The following PKNOX2 variants were observed in gnomAD, a reference collection of about 807,000 sequenced individuals.
The protein encoded by PKNOX2 is homeobox protein PKNOX2.
In PKNOX2, 14 loss-of-function variants were observed where a neutral mutation model predicts 53.1. That is an observed-to-expected ratio of 0.26 (90% CI 0.17 to 0.41). The LOEUF is 0.41. Among genes scored for constraint, PKNOX2 ranks in the 10% least tolerant of loss-of-function variants. PKNOX2 has a pLI of 1.00. For synonymous variants in PKNOX2, 257 were observed against 242.8 expected (o/e 1.06, Z -0.54); for missense variants, 496 against 602.8 (o/e 0.82, Z 1.85).
At chr11:125,399,943 T>C (rs1403203746) in intron 7 of PKNOX2, among the ~76,000 whole-genome samples, 1 of 152,226 alleles carries the variant, frequency 6.6e-6, no homozygotes, top group East Asian at 1.9e-4. Context: ...ACGCGGACTC[T>C]GGATGGTTAA....
chr11:125,352,934 G>A lies in PKNOX2; in HGVS notation c.87+1542G>A, dbSNP rs566231431. Reference sequence around the variant, plus strand: ...CCTTCCCTCTGTAGTTTCAGCTCCCGAGACAAAGTTCAGAAGGAGCCCTCA... The same window carrying A: ...CCTTCCCTCTGTAGTTTCAGCTCCCAAGACAAAGTTCAGAAGGAGCCCTCA... On this transcript the variant is annotated intron_variant, in intron 4 of 12. Transcript: ENST00000298282. The surrounding 1 kb of genome is among the most constrained non-coding windows in gnomAD (Gnocchi z 4.1). 3.0e-4 allele frequency among the ~76,000 whole-genome samples: 45 copies of A among 152,098 alleles called. No individual in the cohort carries two copies. The highest frequency in any genetic ancestry group is 4.6e-4 in the Non-Finnish European group (31 of 68,024).
intron 2 of PKNOX2, among the ~76,000 whole-genome samples, chr11:125,293,766 C>T (rs1248194415): frequency 1.3e-5 from 2 of 151,516 alleles, no homozygotes; most frequent in African/African-American, 4.8e-5. Context: ...CACACCCACA[C>T]TCACATACTG....
At chr11:125,239,018 G>A (rs1942952859) in intron 2 of PKNOX2, among the ~76,000 whole-genome samples, 1 of 152,134 alleles carries the variant, frequency 6.6e-6, no homozygotes, top group Non-Finnish European at 1.5e-5. Flanking sequence ...GCATGTGCAG[G>A]TACCTAGAGC....
intron 3 of PKNOX2, among the ~76,000 whole-genome samples, chr11:125,333,974 A>G (rs1257170725): frequency 6.6e-6 from 1 of 152,068 alleles, no homozygotes; most frequent in African/African-American, 2.4e-5. Flanking sequence ...ACTGACATAT[A>G]TACTCTCCTG....
intron 4 of PKNOX2, among the ~76,000 whole-genome samples, chr11:125,361,306 C>T (rs1387535461): frequency 6.6e-6 from 1 of 152,214 alleles, no homozygotes; most frequent in Non-Finnish European, 1.5e-5. Flanking sequence ...AGGCCTGGGG[C>T]AGAGGAGCCT....
chr11:125,429,903 C>A, intron 11 of PKNOX2, 60 bp from the exon 12 acceptor site: 3 of 1,522,422 alleles, frequency 2.0e-6, no homozygotes, highest in Non-Finnish European at 2.7e-6. Context: ...ACCCTCCCTG[C>A]CCCCACCCCA....
chr11:125,338,732 G>A (rs2136141973), intron 3 of PKNOX2, among the ~76,000 whole-genome samples: 1 of 152,174 alleles, frequency 6.6e-6, no homozygotes, highest in East Asian at 1.9e-4. Context: ...GAGGACCAGA[G>A]TCCACTGTGC....
Position 125,199,370 on chromosome 11 carries a change from C to A in PKNOX2, c.-201+34594C>A, listed in dbSNP as rs190472547. Among the ~76,000 whole-genome samples, 12 of 152,320 alleles carry A rather than the reference C, an allele frequency of 7.9e-5. No individual in the cohort carries two copies. In the East Asian group the frequency reaches 2.3e-3, roughly 29 times the overall value. The stretch of plus-strand genomic sequence containing the variant: ...TCTTGTGGCAAAACATTCCTCGGTT[C>A]TCACCTTCACTGAGGTCCAGGTGCT... On this transcript the variant is annotated intron_variant, in intron 1 of 12. Transcript: ENST00000298282.
At chr11:125,237,965 TG>T (rs892978674) in intron 2 of PKNOX2, among the ~76,000 whole-genome samples, 3 of 152,174 alleles carry the variant, frequency 2.0e-5, no homozygotes, top group Non-Finnish European at 2.9e-5. Flanking sequence ...GTGCTGTAGC[TG>T]GGGAATTCTG....
chr11:125,313,046 C>T (rs543220629), intron 2 of PKNOX2, among the ~76,000 whole-genome samples: 1 of 152,202 alleles, frequency 6.6e-6, no homozygotes, highest in Non-Finnish European at 1.5e-5. Flanking sequence ...CGCCTTCCAC[C>T]GAGGGCAACA....
At chr11:125,210,685 T>C (rs1308718016) in intron 1 of PKNOX2, among the ~76,000 whole-genome samples, 2 of 152,104 alleles carry the variant, frequency 1.3e-5, no homozygotes. Flanking sequence ...AGGAATTTAG[T>C]GCTAAAACCC....
At chr11:125,410,744 A>G in intron 8 of PKNOX2, 35 bp from the exon 9 acceptor site, 1 of 1,550,804 alleles carries the variant, frequency 6.4e-7, no homozygotes, top group Non-Finnish European at 8.9e-7. Flanking sequence ...ACCCACTCCC[A>G]TGGCAGGGGA....
chr11:125,220,501 C>T (rs1941023353), intron 1 of PKNOX2, among the ~76,000 whole-genome samples: 2 of 152,168 alleles, frequency 1.3e-5, no homozygotes, highest in East Asian at 1.9e-4. Flanking sequence ...GAGGCAGCAT[C>T]GGAGATGGCT....
intron 2 of PKNOX2, among the ~76,000 whole-genome samples, chr11:125,244,497 C>G (rs544875638): frequency 6.6e-6 from 1 of 152,226 alleles, no homozygotes; most frequent in South Asian, 2.1e-4. Flanking sequence ...CTGGCTCCCT[C>G]GCCTTCCCCC....
At chr11:125,299,779 C>CCT (rs1440456640) in intron 2 of PKNOX2, among the ~76,000 whole-genome samples, 4 of 152,114 alleles carry the variant, frequency 2.6e-5, no homozygotes, top group Non-Finnish European at 5.9e-5. Flanking sequence ...GGCTGGATCC[C>CCT]CTCGCATCCC....
Position 125,250,065 on chromosome 11 carries a change from CAAAAAAAAA to C in PKNOX2, c.-130+14968_-130+14976del, listed in dbSNP as rs35679690. Among the ~76,000 whole-genome samples, 77 of 46,998 alleles carry C rather than the reference CAAAAAAAAA, an allele frequency of 1.6e-3. 1 individual carries two copies. Among genetic ancestry groups the C allele is most frequent in the African/African-American group, 6.6e-3 (72 of 10,954 alleles). The allele number at this position is 46,998 out of a possible 152,430, so 30.8% of individuals were successfully genotyped here. A position where few individuals can be genotyped will look rare whatever the true frequency, so the allele number is the denominator to read the frequency against. On this transcript the variant is annotated intron_variant, in intron 2 of 12. Coordinates refer to ENST00000298282, the MANE Select transcript of PKNOX2 (RefSeq NM_001382323.2). ...GGGCAACAGGAGCAAAACTCTGTCT[CAAAAAAAAA>C]AAAAAAAAAAAAAAAAACAATTTAG...
chr11:125,418,340 C>T (rs567580551), intron 10 of PKNOX2, among the ~76,000 whole-genome samples: 1 of 152,058 alleles, frequency 6.6e-6, no homozygotes, highest in Non-Finnish European at 1.5e-5. Context: ...TTTGTTTATT[C>T]ATTTATCAGT....
At chr11:125,372,598 C>G (rs910899362) in intron 5 of PKNOX2, among the ~76,000 whole-genome samples, 1 of 152,238 alleles carries the variant, frequency 6.6e-6, no homozygotes. Context: ...AATGCCAAGG[C>G]AGTCTGTCTC....
intron 1 of PKNOX2, among the ~76,000 whole-genome samples, chr11:125,213,175 T>C (rs1940072702): frequency 6.6e-6 from 1 of 152,090 alleles, no homozygotes; most frequent in South Asian, 2.1e-4. Context: ...CTATCATCCT[T>C]TGTGGCGTCC....
Sources: allele counts gnomAD v4.1 joint callset (sites outside exome capture counted in the v4.1 genomes callset), GRCh38; gene constraint gnomAD v4.1.1; non-coding constraint Gnocchi (gnomAD v3.1); transcripts MANE v1.5; gene names NCBI Gene and HGNC (gene_info 2026-07-23, HGNC 2026-07-21).